The following ARHGEF38 variants were observed in gnomAD, a reference collection of about 807,000 sequenced individuals.
ARHGEF38 encodes Rho guanine nucleotide exchange factor 38.
In ARHGEF38, 79 loss-of-function variants were observed where a neutral mutation model predicts 79.9. That is an observed-to-expected ratio of 0.99 (90% CI 0.82 to 1.19). The LOEUF (loss-of-function observed/expected upper bound fraction) is 1.19. ARHGEF38 is among the 50% of genes most tolerant of loss of function. ARHGEF38 has a pLI of 0.00. For missense variants in ARHGEF38, 962 were observed against 907.2 expected, an observed-to-expected ratio of 1.06 and a Z score of -0.78; for synonymous variants, 366 against 328.3, an observed-to-expected ratio of 1.11 and a Z score of -1.24.
chr4:105,600,701 G>A (rs1727784817), intron 2 of ARHGEF38, among the ~76,000 whole-genome samples: 1 of 152,036 alleles, frequency 6.6e-6, no homozygotes, highest in Non-Finnish European at 1.5e-5. Context: ...TTGTCTACAA[G>A]CCATCTCCAA....
intron 5 of ARHGEF38, 96 bp from the exon 6 acceptor site, chr4:105,645,092 A>AAAATGTTTTAGAAGT (rs1729780265): frequency 7.4e-6 from 7 of 943,560 alleles, no homozygotes; most frequent in Non-Finnish European, 9.8e-6. Context: ...AAAAAAAGAG[A>AAAATGTTTTAGAAGT]AAATGTTTTA....
downstream of ARHGEF38, among the ~76,000 whole-genome samples, chr4:105,681,877 CTAAG>C (rs1357032010): frequency 1.3e-5 from 2 of 152,098 alleles, no homozygotes; most frequent in Non-Finnish European, 2.9e-5. Context: ...ATTTTGAGCA[CTAAG>C]TAAGATAGCC....
chr4:105,612,916 GA>G (rs1007775974), intron 2 of ARHGEF38, among the ~76,000 whole-genome samples: 53 of 150,222 alleles, frequency 3.5e-4, no homozygotes, highest in Non-Finnish European at 4.2e-4. Flanking sequence ...TTTATATCAA[GA>G]AAAAAAAAGG....
Position 105,679,992 on chromosome 4 carries a change from A to ATTCT in ARHGEF38, c.*2056_*2059dup. ...CAATGTCCCCATGTAAACACAGTGC[A>ATTCT]TTCTGTTTTGTGCGGATTCATGGCC... is the stretch of plus-strand genomic sequence containing the variant. On this transcript the variant is annotated 3_prime_UTR_variant, in exon 14 of 14. Coordinates refer to ENST00000420470, the MANE Select transcript of ARHGEF38 (RefSeq NM_001242729.2). The ATTCT allele has an allele frequency of 2.4e-6, 3 of 1,235,866 alleles. No individual in the cohort carries two copies. Among genetic ancestry groups the ATTCT allele is most frequent in the South Asian group, 1.2e-5 (1 of 83,266 alleles). 76.6% of individuals were successfully genotyped at this position (1,235,866 alleles called of 1,614,324 possible).
In ARHGEF38 at chr4:105,585,368, G is replaced by A. The variant is rs572087191; in HGVS notation, c.197-3880G>A. 2.0e-5 allele frequency among the ~76,000 whole-genome samples: 3 copies of A among 152,276 alleles called. No homozygotes were observed. The South Asian group carries it at 6.2e-4, about 32-fold the overall frequency. The stretch of plus-strand genomic sequence containing the variant: ...GTCTACTGTGTTCTCACAGCTGAGT[G>A]GCAGAGCTGATCTCAAGTCAGATTA... On this transcript the variant is annotated intron_variant, in intron 1 of 13. Transcript: ENST00000420470.
At chr4:105,616,112 C>T (rs1440625971) in intron 3 of ARHGEF38, among the ~76,000 whole-genome samples, 1 of 152,016 alleles carries the variant, frequency 6.6e-6, no homozygotes, top group Non-Finnish European at 1.5e-5. Flanking sequence ...GAAAATAGGG[C>T]CTGAGAAATC....
At chr4:105,563,062 T>C (rs775572164) in intron 1 of ARHGEF38, among the ~76,000 whole-genome samples, 3 of 152,134 alleles carry the variant, frequency 2.0e-5, no homozygotes, top group Non-Finnish European at 4.4e-5. Flanking sequence ...GGTGCTTTCA[T>C]CTGAGATAAT....
intron 2 of ARHGEF38, among the ~76,000 whole-genome samples, chr4:105,612,716 G>A (rs553273347): frequency 1.2e-4 from 18 of 152,020 alleles, no homozygotes; most frequent in Non-Finnish European, 2.1e-4. Context: ...GGATTCTTTC[G>A]TAATTCTTGG....
Position 105,680,292 on chromosome 4 carries a change from C to G in ARHGEF38, c.*2355C>G, listed in dbSNP as rs1196308699. The G allele has an allele frequency of 3.0e-6, 1 of 337,470 alleles. No homozygotes were observed. Among genetic ancestry groups the G allele is most frequent in the African/African-American group, 2.1e-5 (1 of 46,924 alleles). The allele number at this position is 337,470 out of a possible 1,614,324, so 20.9% of individuals were successfully genotyped here. The stretch of plus-strand genomic sequence containing the variant: ...TAGAAAAATGATAGTCACCACATAT[C>G]TACTAATGGGATTAAAATGTACAAT... On this transcript the variant is annotated 3_prime_UTR_variant, in exon 14 of 14. Transcript: ENST00000420470.
chr4:105,613,072 T>C (rs1728363391), intron 2 of ARHGEF38, among the ~76,000 whole-genome samples: 1 of 152,170 alleles, frequency 6.6e-6, no homozygotes, highest in Non-Finnish European at 1.5e-5. Flanking sequence ...TACACACTAG[T>C]ACATATCCTC....
At chr4:105,589,700 A>C (rs1727232457) in intron 2 of ARHGEF38, among the ~76,000 whole-genome samples, 2 of 152,176 alleles carry the variant, frequency 1.3e-5, no homozygotes, top group Non-Finnish European at 2.9e-5. Flanking sequence ...TATGGTGTGA[A>C]GTATGGCTGA....
chr4:105,675,577 A>G (rs1032263811), intron 13 of ARHGEF38, among the ~76,000 whole-genome samples: 2 of 152,194 alleles, frequency 1.3e-5, no homozygotes, highest in Non-Finnish European at 2.9e-5. Context: ...CAAATCAATA[A>G]ATATTTGAAT....
At chr4:105,554,363 G>A (rs1261995071) in intron 1 of ARHGEF38, among the ~76,000 whole-genome samples, 3 of 152,044 alleles carry the variant, frequency 2.0e-5, no homozygotes, top group African/African-American at 7.3e-5. Context: ...TCCGTTTCTC[G>A]CCACTCCAGT....
intron 5 of ARHGEF38, among the ~76,000 whole-genome samples, chr4:105,638,392 A>G (rs1371618567): frequency 2.0e-5 from 3 of 152,120 alleles, no homozygotes; most frequent in Non-Finnish European, 2.9e-5. Context: ...AAACACAGCT[A>G]TCTTCAGAAA....
At chr4:105,631,682 T>C in intron 4 of ARHGEF38, 2 of 974,182 alleles carry the variant, frequency 2.1e-6, no homozygotes, top group Non-Finnish European at 2.4e-6. Flanking sequence ...GCTATTTCAC[T>C]ATTAGCCCCT....
intron 3 of ARHGEF38, among the ~76,000 whole-genome samples, chr4:105,621,286 T>C (rs928779962): frequency 1.3e-5 from 2 of 152,222 alleles, no homozygotes; most frequent in Non-Finnish European, 2.9e-5. Context: ...GTTTGTTACA[T>C]AGCAATAAAT....
chr4:105,650,696 TC>T (rs1211650157), intron 7 of ARHGEF38, among the ~76,000 whole-genome samples: 1 of 152,226 alleles, frequency 6.6e-6, no homozygotes, highest in Non-Finnish European at 1.5e-5. Flanking sequence ...CAAGTCATGT[TC>T]TTGTTTCTTC....
chr4:105,612,495 C>T (rs1728334508), intron 2 of ARHGEF38, among the ~76,000 whole-genome samples: 1 of 152,128 alleles, frequency 6.6e-6, no homozygotes, highest in Non-Finnish European at 1.5e-5. Context: ...GCACCTACTC[C>T]TGTTCCCTGA....
chr4:105,593,128 T>A (rs1727417892), intron 2 of ARHGEF38, among the ~76,000 whole-genome samples: 1 of 152,184 alleles, frequency 6.6e-6, no homozygotes, highest in Admixed American at 6.5e-5. Context: ...ATTTTAAAAT[T>A]AAATATAAAA....
Sources: gnomAD v4.1 joint callset for allele counts (sites outside exome capture counted in the v4.1 genomes callset) on GRCh38, gnomAD v4.1.1 for gene constraint, MANE v1.5 for transcripts, NCBI Gene and HGNC (gene_info 2026-07-23, HGNC 2026-07-21) for gene names.